The following EPHB1 variants were observed in gnomAD, a reference collection of about 807,000 sequenced individuals.
EPHB1 encodes ephrin type-B receptor 1.
A neutral mutation model predicts 94.4 loss-of-function variants in EPHB1; 30 were observed. The ratio of observed to expected loss-of-function variants is 0.32; its 90% CI spans 0.24 to 0.43. The LOEUF is 0.43. Among genes scored for constraint, EPHB1 ranks in the 20% least tolerant of loss-of-function variants. The pLI, the probability that EPHB1 is intolerant of heterozygous loss-of-function variation, is 1.00. For missense variants in EPHB1, 1,055 were observed against 1,308.3 expected, an observed-to-expected ratio of 0.81 and a Z score of 2.99; for synonymous variants, 522 against 489.1, an observed-to-expected ratio of 1.07 and a Z score of -0.89.
intron 13 of EPHB1, among the ~76,000 whole-genome samples, chr3:135,246,433 T>C (rs1943925709): frequency 6.6e-6 from 1 of 152,166 alleles, no homozygotes; most frequent in South Asian, 2.1e-4. Context: ...CCCATGCCCT[T>C]GTTGCATGCC....
At chr3:134,816,090 T>G (rs185248171) in intron 1 of EPHB1, among the ~76,000 whole-genome samples, 17,531 of 148,050 alleles carry the variant, frequency 0.12, 1,166 homozygotes, top group Middle Eastern at 0.19. Flanking sequence ...TCTGTTTTTT[T>G]TTTTTTTTTT....
chr3:134,953,396 G>C (rs1434450735), intron 3 of EPHB1, among the ~76,000 whole-genome samples: 1 of 152,256 alleles, frequency 6.6e-6, no homozygotes, highest in Non-Finnish European at 1.5e-5. Context: ...ATGACGGATT[G>C]TGTGGAAACA....
At chr3:135,205,504 C>T (rs192475677) in intron 12 of EPHB1, among the ~76,000 whole-genome samples, 1 of 152,202 alleles carries the variant, frequency 6.6e-6, no homozygotes, top group East Asian at 1.9e-4. Context: ...ATGTTCACTC[C>T]AAGGCTATAA....
chr3:134,874,926 C>A (rs6439533), intron 1 of EPHB1, among the ~76,000 whole-genome samples: 1 of 152,222 alleles, frequency 6.6e-6, no homozygotes, highest in African/African-American at 2.4e-5. Flanking sequence ...CATTGCTATC[C>A]GCCTCTCTCA....
chr3:134,888,621 T>A (rs896605846), intron 1 of EPHB1, among the ~76,000 whole-genome samples: 13 of 149,850 alleles, frequency 8.7e-5, no homozygotes, highest in Admixed American at 5.3e-4. Flanking sequence ...GGCAGGAGAA[T>A]CGCTTGAACT....
chr3:135,213,849 C>T (rs1176628043), intron 12 of EPHB1, among the ~76,000 whole-genome samples: 1 of 152,180 alleles, frequency 6.6e-6, no homozygotes, highest in East Asian at 1.9e-4. Flanking sequence ...TCCCATCCTT[C>T]AGAGCCCCCA....
chr3:134,868,028 G>A (rs1021507955), intron 1 of EPHB1, among the ~76,000 whole-genome samples: 5 of 152,192 alleles, frequency 3.3e-5, no homozygotes, highest in Admixed American at 6.5e-5. Context: ...TGATTCCACC[G>A]CAGCCATGGA....
chr3:135,192,711 G>C lies in EPHB1; in HGVS notation c.2018G>C (p.Gly673Ala). 1 of 1,614,172 alleles carries C rather than the reference G, an allele frequency of 6.2e-7. No individual in the cohort carries two copies. Among genetic ancestry groups the C allele is most frequent in the Non-Finnish European group, 8.5e-7 (1 of 1,180,048 alleles). ...RDFLSEASIM[G>A]QFDHPNIIRL... is the part of the protein sequence containing the mutation. ...TTTCTGAGTGAGGCGAGCATCATGG[G>C]CCAGTTCGACCATCCTAACATCATT... Residue 673 changes from glycine (G) to alanine (A), a missense_variant, in exon 11 of 16, where the codon GGC (glycine) becomes GCC (alanine). Transcript: ENST00000398015.
At chr3:135,090,190 C>G (rs566381304) in intron 3 of EPHB1, among the ~76,000 whole-genome samples, 15 of 152,302 alleles carry the variant, frequency 9.8e-5, no homozygotes, top group South Asian at 6.2e-4. Flanking sequence ...TCCACTGGTC[C>G]ATTCACATGA....
intron 2 of EPHB1, among the ~76,000 whole-genome samples, chr3:134,947,858 G>A (rs1002145923): frequency 4.6e-5 from 7 of 152,116 alleles, no homozygotes; most frequent in Admixed American, 3.9e-4. Flanking sequence ...ACAGTGGTGC[G>A]AGCATGGCTT....
chr3:135,250,520 T>G (rs1423490127), intron 15 of EPHB1, among the ~76,000 whole-genome samples: 1 of 152,032 alleles, frequency 6.6e-6, no homozygotes, highest in Non-Finnish European at 1.5e-5. Flanking sequence ...TGGTTCTCAC[T>G]CCCATACCTT....
chr3:134,921,196 T>C (rs989881178), intron 1 of EPHB1, among the ~76,000 whole-genome samples: 1 of 152,170 alleles, frequency 6.6e-6, no homozygotes. Flanking sequence ...TTGGGATGAC[T>C]CCTACTTCAT....
At chr3:135,066,319 T>A (rs967334717) in intron 3 of EPHB1, among the ~76,000 whole-genome samples, 2 of 152,232 alleles carry the variant, frequency 1.3e-5, no homozygotes, top group Non-Finnish European at 2.9e-5. Flanking sequence ...TTCCTCTTCT[T>A]CCTCAGGAAC....
At chr3:134,970,957 G>A (rs1035708084) in intron 3 of EPHB1, among the ~76,000 whole-genome samples, 8 of 152,056 alleles carry the variant, frequency 5.3e-5, no homozygotes, top group African/African-American at 4.8e-5. Flanking sequence ...TTCTCACCCC[G>A]ATACCTCTTG....
intron 3 of EPHB1, among the ~76,000 whole-genome samples, chr3:135,025,258 T>A (rs1936119796): frequency 1.5e-5 from 2 of 137,544 alleles, no homozygotes; most frequent in South Asian, 5.1e-4. Flanking sequence ...ATGTGCACAC[T>A]GTGCAGGTTA....
chr3:135,118,631 T>C (rs1441298743), intron 4 of EPHB1, among the ~76,000 whole-genome samples: 2 of 152,200 alleles, frequency 1.3e-5, no homozygotes, highest in African/African-American at 2.4e-5. Flanking sequence ...TGATGTGACC[T>C]GGCACAAAAT....
chr3:135,184,167 G>C (rs546731814), intron 10 of EPHB1, among the ~76,000 whole-genome samples: 3 of 152,270 alleles, frequency 2.0e-5, no homozygotes, highest in African/African-American at 7.2e-5. Context: ...GAGGTGATGG[G>C]GAGTCATAGC....
At chr3:135,048,259 C>CTTTTCTTTTTTTTTTTTTTTT (rs1937065663) in intron 3 of EPHB1, among the ~76,000 whole-genome samples, 1 of 55,208 alleles carries the variant, frequency 1.8e-5, no homozygotes, top group Non-Finnish European at 3.2e-5. Context: ...TTTCTTTTTT[C>CTTTTCTTTTTTTTTTTTTTTT]TTTTTTTTTT....
intron 3 of EPHB1, among the ~76,000 whole-genome samples, chr3:134,982,769 G>C (rs1238018536): frequency 2.0e-5 from 3 of 152,008 alleles, no homozygotes; most frequent in East Asian, 3.9e-4. Context: ...GCTTTTAAAG[G>C]TCACTCTCTG....
Sources: gnomAD v4.1 joint callset for allele counts (sites outside exome capture counted in the v4.1 genomes callset) on GRCh38, gnomAD v4.1.1 for gene constraint, MANE v1.5 for transcripts, NCBI Gene and HGNC (gene_info 2026-07-23, HGNC 2026-07-21) for gene names.